The following MTERF4 variants were observed in gnomAD, a reference collection of about 807,000 sequenced individuals.
MTERF4 encodes mitochondrial transcription termination factor 4.
In MTERF4, 17 loss-of-function variants were observed where a neutral mutation model predicts 22.5. That is an observed-to-expected ratio of 0.75 (90% CI 0.52 to 1.13). MTERF4 has a LOEUF of 1.13. Ranked by LOEUF, MTERF4 falls within the 50% of genes most tolerant of loss-of-function variation. The pLI is 0.00. For missense variants in MTERF4, 420 were observed against 466.8 expected (o/e 0.90, Z 0.92); for synonymous variants, 165 against 175.3 (o/e 0.94, Z 0.47).
At chr2:241,052,145 C>T in the MTERF4 span, 1 of 1,613,550 alleles carries the variant, frequency 6.2e-7, no homozygotes, top group Non-Finnish European at 8.5e-7. Context: ...CTCCGGGCGG[C>T]ACTGCGAGAT....
exon 5 of MTERF4, chr2:241,072,381 C>G: frequency 8.2e-6 from 3 of 366,538 alleles, no homozygotes; most frequent in Non-Finnish European, 1.6e-5. Context: ...GTGAGTGCCG[C>G]TCTGGGAATC....
At chr2:241,094,508 T>G (rs1288105126), downstream of MTERF4, 2 of 425,888 alleles carry the variant, frequency 4.7e-6, no homozygotes, top group Non-Finnish European at 9.7e-6. This position sits in a 1 kb window ranked among gnomAD's most constrained non-coding sequence, Gnocchi z 4.3. Context: ...ACCAGGGGTA[T>G]TCCAGTGCAT....
the MTERF4 span, among the ~76,000 whole-genome samples, chr2:241,066,757 G>A: frequency 1.3e-5 from 2 of 152,120 alleles, no homozygotes; most frequent in African/African-American, 4.8e-5. Flanking sequence ...GGAGCTCGGC[G>A]GTTCTCACAG....
the MTERF4 span, chr2:241,051,644 C>T: frequency 1.0e-6 from 1 of 970,218 alleles, no homozygotes; most frequent in East Asian, 2.8e-5. The surrounding 1 kb of genome is among the most constrained non-coding windows in gnomAD (Gnocchi z 4.7). Flanking sequence ...GAGAAGGCCC[C>T]ACCAGCACCA....
Position 241,096,529 on chromosome 2 carries a change from G to A in MTERF4, c.706-91C>T, listed in dbSNP as rs922296716. On this transcript the variant is annotated intron_variant, in intron 3 of 3. Transcript: ENST00000391980. The surrounding 1 kb of genome is among the most constrained non-coding windows in gnomAD (Gnocchi z 5.1). ...CATAAAAACTTAAGTTGTACAAAAG[G>A]ATTCAAAAAGAATTGCCTAATTGAC... 1.8e-5 allele frequency: 26 copies of A among 1,413,272 alleles called. No individual in the cohort carries two copies. In the African/African-American group the frequency reaches 3.4e-4, roughly 18 times the overall value. 87.5% of individuals were successfully genotyped at this position (1,413,272 alleles called of 1,614,324 possible). A position where few individuals can be genotyped will look rare whatever the true frequency, so the allele number is the denominator to read the frequency against.
chr2:241,087,701 G>C (rs192541845), downstream of MTERF4: 6 of 1,364,934 alleles, frequency 4.4e-6, no homozygotes, highest in African/African-American at 1.5e-5. Context: ...TGGGTGCTGG[G>C]GGGGGTCACT....
At chr2:241,058,984 A>G in the MTERF4 span, among the ~76,000 whole-genome samples, 1 of 152,084 alleles carries the variant, frequency 6.6e-6, no homozygotes, top group East Asian at 1.9e-4. Flanking sequence ...GATAAACCCT[A>G]GCTAGACTGA....
chr2:241,051,571 C>T, the MTERF4 span: 2 of 483,668 alleles, frequency 4.1e-6, no homozygotes, highest in South Asian at 4.5e-5. The surrounding 1 kb of genome is among the most constrained non-coding windows in gnomAD (Gnocchi z 4.7). Context: ...AGCCCCACCC[C>T]AGCCCCCACC....
chr2:241,090,583 C>T, downstream of MTERF4: 1 of 998,874 alleles, frequency 1.0e-6, no homozygotes, highest in East Asian at 2.8e-5. Context: ...TTTGTATACA[C>T]CAGCATCACC....
chr2:241,077,753 T>C lies in MTERF4; in HGVS notation n.480-2071A>G, dbSNP rs184049775. ...CCAGTAATCACACCGAAAAGATCCTTGACATCATTAGTCAGCAGGGAAATG... is the reference window on the plus strand; with the variant it reads ...CCAGTAATCACACCGAAAAGATCCTCGACATCATTAGTCAGCAGGGAAATG... On this transcript the variant is annotated intron_variant and non_coding_transcript_variant, in intron 4 of 4. Coordinates refer to the MTERF4 transcript ENST00000464344. Among the ~76,000 whole-genome samples the C allele has an allele frequency of 1.4e-3, 208 of 152,312 alleles. 1 individual carries two copies. Among genetic ancestry groups the C allele is most frequent in the Non-Finnish European group, 2.0e-3 (138 of 68,030 alleles).
At chr2:241,045,377 A>C in the MTERF4 span, among the ~76,000 whole-genome samples, 2 of 152,232 alleles carry the variant, frequency 1.3e-5, no homozygotes, top group South Asian at 4.1e-4. Flanking sequence ...ATTTTGAGGA[A>C]TCACACTACT....
intron 4 of MTERF4, among the ~76,000 whole-genome samples, chr2:241,076,221 C>G (rs1292747622): frequency 2.0e-4 from 30 of 152,150 alleles, no homozygotes; most frequent in Admixed American, 1.8e-3. Context: ...ATCCATTGAC[C>G]ATTTTTGTGA....
chr2:241,087,670 G>C (rs574785154), downstream of MTERF4: 1 of 1,379,234 alleles, frequency 7.3e-7, no homozygotes, highest in Admixed American at 3.4e-5. Context: ...AGCATACCCA[G>C]AGGGGCACAG....
the MTERF4 span, among the ~76,000 whole-genome samples, chr2:241,052,688 G>A: frequency 7.0e-5 from 3 of 43,138 alleles, no homozygotes; most frequent in East Asian, 4.1e-3. Flanking sequence ...TGAGAGGGTC[G>A]GCGGGGGGGG....
At chr2:241,071,619 C>T (rs370260391), downstream of MTERF4, 128 of 1,587,000 alleles carry the variant, frequency 8.1e-5, no homozygotes, top group African/African-American at 1.4e-3. Flanking sequence ...AGGGAGGACA[C>T]CACCCTCGGG....
At chr2:241,098,523 T>G (rs16843262) in intron 2 of MTERF4, among the ~76,000 whole-genome samples, 1 of 152,078 alleles carries the variant, frequency 6.6e-6, no homozygotes, top group African/African-American at 2.4e-5. Context: ...TCAAGGAACT[T>G]TGAGCATCCT....
At chr2:241,051,948 G>A in the MTERF4 span, 6 of 1,481,088 alleles carry the variant, frequency 4.1e-6, no homozygotes, top group South Asian at 7.2e-5. This position sits in a 1 kb window ranked among gnomAD's most constrained non-coding sequence, Gnocchi z 4.7. Context: ...GCCAGCTGTG[G>A]GTCTGCTTCT....
the MTERF4 span, chr2:241,064,017 G>C: frequency 2.6e-6 from 4 of 1,552,830 alleles, no homozygotes; most frequent in Non-Finnish European, 3.5e-6. This position sits in a 1 kb window ranked among gnomAD's most constrained non-coding sequence, Gnocchi z 7.0. Flanking sequence ...TCCAGAGGTG[G>C]ACGCCTGCGA....
At chr2:241,081,747 C>T (rs1304428031) in intron 4 of MTERF4, 2 of 1,607,690 alleles carry the variant, frequency 1.2e-6, no homozygotes, top group South Asian at 2.2e-5. Flanking sequence ...CAGACGCCCA[C>T]AGCTGTGACT....
Sources: gnomAD v4.1 joint callset for allele counts (sites outside exome capture counted in the v4.1 genomes callset) on GRCh38, gnomAD v4.1.1 for gene constraint, Gnocchi (gnomAD v3.1) non-coding constraint, MANE v1.5 for transcripts, NCBI Gene and HGNC (gene_info 2026-07-23, HGNC 2026-07-21) for gene names.